Variants in ELP4 observed in about 807,000 individuals in gnomAD.
ELP4 encodes elongator complex protein 4.
ELP4 carries 51 observed loss-of-function variants against 48.9 expected under a neutral mutation model. The observed-to-expected ratio is 1.04, with a 90% confidence interval of 0.83 to 1.32. The LOEUF is 1.32. ELP4 is among the 40% of genes most tolerant of loss of function. ELP4 has a pLI of 0.00. For missense variants in ELP4, 519 were observed against 514.6 expected (o/e 1.01, Z -0.08); for synonymous variants, 210 against 189.2 (o/e 1.11, Z -0.90).
rs758167780 is a variant in ELP4, at chr11:31,545,323, A to C, written c.381+5540A>C. Among the ~76,000 whole-genome samples the C allele has an allele frequency of 1.3e-3, 201 of 152,364 alleles. 12 individuals are homozygous for C. The highest frequency in any genetic ancestry group is 9.1e-4 in the Non-Finnish European group (62 of 68,038). On this transcript the variant is annotated intron_variant, in intron 3 of 9. Coordinates refer to ENST00000640961, the MANE Select transcript of ELP4 (RefSeq NM_019040.5). ...TGGAGCTGAAAGCCAAGGCTCGAGA[A>C]CTATGTGAAGAATGCAGAAGCCTCA...
At chr11:31,735,421 G>A (rs1216282006) in intron 9 of ELP4, among the ~76,000 whole-genome samples, 1 of 152,134 alleles carries the variant, frequency 6.6e-6, no homozygotes, top group Non-Finnish European at 1.5e-5. Flanking sequence ...GCACAAGACA[G>A]GGATGCCCTC....
At chr11:31,763,461 CTTCTCA>C in intron 9 of ELP4, 1 of 1,610,446 alleles carries the variant, frequency 6.2e-7, no homozygotes, top group African/African-American at 1.3e-5. Context: ...ATCCTCCAGG[CTTCTCA>C]TACTTACTCA....
intron 9 of ELP4, among the ~76,000 whole-genome samples, chr11:31,744,598 T>G (rs1450716829): frequency 6.6e-6 from 1 of 152,220 alleles, no homozygotes; most frequent in Non-Finnish European, 1.5e-5. Flanking sequence ...CGCAAATCAA[T>G]AAATGTAATT....
intron 3 of ELP4, among the ~76,000 whole-genome samples, chr11:31,576,633 A>G (rs970791407): frequency 3.9e-5 from 6 of 152,228 alleles, no homozygotes; most frequent in Admixed American, 2.0e-4. Flanking sequence ...CAGGATTAAG[A>G]CACTCACTCA....
At chr11:31,595,810 A>T (rs1489089722) in intron 4 of ELP4, among the ~76,000 whole-genome samples, 3 of 152,194 alleles carry the variant, frequency 2.0e-5, no homozygotes, top group Non-Finnish European at 4.4e-5. Flanking sequence ...AACCTGTTTG[A>T]TATTATAAGC....
chr11:31,589,540 C>G (rs1391601939), intron 3 of ELP4, among the ~76,000 whole-genome samples: 1 of 152,122 alleles, frequency 6.6e-6, no homozygotes, highest in Non-Finnish European at 1.5e-5. Context: ...GATTAAATTA[C>G]AGAACCTTGG....
Position 31,605,997 on chromosome 11 carries a change from T to C in ELP4, c.653+2090T>C, listed in dbSNP as rs183429550. Among the ~76,000 whole-genome samples, 448 of 151,892 alleles carry C rather than the reference T, an allele frequency of 2.9e-3. 2 individuals carry two copies. The highest frequency in any genetic ancestry group is 9.5e-3 in the African/African-American group (394 of 41,460). Reference sequence around the variant, plus strand: ...GGCAGTAAATGTACACCCACCAACGTAGGTGCCAGAAAAATTACTCCTTAA... The same window carrying C: ...GGCAGTAAATGTACACCCACCAACGCAGGTGCCAGAAAAATTACTCCTTAA... On this transcript the variant is annotated intron_variant, in intron 5 of 9. Coordinates refer to ENST00000640961, the MANE Select transcript of ELP4 (RefSeq NM_019040.5).
intron 9 of ELP4, among the ~76,000 whole-genome samples, chr11:31,746,121 A>G (rs925609628): frequency 3.9e-5 from 6 of 152,274 alleles, no homozygotes; most frequent in South Asian, 2.1e-4. Context: ...TATGCAGCCA[A>G]AAAACACATG....
rs1421533774 is a variant in ELP4, at chr11:31,783,936, A to G, written c.*412A>G. 1 of 153,392 alleles carries G rather than the reference A, an allele frequency of 6.5e-6. No homozygotes were observed. Among genetic ancestry groups the G allele is most frequent in the Non-Finnish European group, 1.5e-5 (1 of 68,896 alleles). 9.5% of individuals were successfully genotyped at this position (153,392 alleles called of 1,614,324 possible). ...TTACAGAAACAGTCACTTGCCACCA[A>G]AAATGCTGTTTTTTAAATGAAAATG... On this transcript the variant is annotated 3_prime_UTR_variant, in exon 10 of 10. Transcript: ENST00000640961.
At chr11:31,606,429 A>G (rs1957876838) in intron 5 of ELP4, among the ~76,000 whole-genome samples, 2 of 152,106 alleles carry the variant, frequency 1.3e-5, no homozygotes, top group African/African-American at 2.4e-5. Flanking sequence ...AGGATATAAT[A>G]TATAATTTTA....
chr11:31,709,767 A>G (rs373389345), intron 9 of ELP4, among the ~76,000 whole-genome samples: 50 of 152,314 alleles, frequency 3.3e-4, no homozygotes, highest in African/African-American at 1.2e-3. Context: ...TAAATACTCA[A>G]TGTATGTTAG....
chr11:31,683,521 G>A (rs1393671402), intron 9 of ELP4, among the ~76,000 whole-genome samples: 2 of 152,090 alleles, frequency 1.3e-5, no homozygotes, highest in African/African-American at 4.8e-5. Context: ...TCTAAATTTT[G>A]TGAAACACCA....
chr11:31,746,967 A>G (rs1226361985), intron 9 of ELP4, among the ~76,000 whole-genome samples: 13 of 152,142 alleles, frequency 8.5e-5, no homozygotes, highest in Non-Finnish European at 1.5e-4. Flanking sequence ...GGGGAAGCAT[A>G]TGATAGATTT....
rs1948717820 is a variant in ELP4, at chr11:31,787,261, C to G, written c.*3737C>G. On this transcript the variant is annotated 3_prime_UTR_variant, in exon 10 of 10. Coordinates refer to ENST00000640961, the MANE Select transcript of ELP4 (RefSeq NM_019040.5). ...GACTATACCAGACTGTGCTACTTTGCCCTGGCAATCCTGACCTTCAGAGCA... is the reference window on the plus strand; with the variant it reads ...GACTATACCAGACTGTGCTACTTTGGCCTGGCAATCCTGACCTTCAGAGCA... The G allele has an allele frequency of 8.6e-6, 2 of 232,762 alleles. No homozygotes were observed. The highest frequency in any genetic ancestry group is 4.4e-5 in the African/African-American group (2 of 45,302). The allele number at this position is 232,762 out of a possible 1,614,324, so 14.4% of individuals were successfully genotyped here. A position where few individuals can be genotyped will look rare whatever the true frequency, so the allele number is the denominator to read the frequency against.
intron 3 of ELP4, among the ~76,000 whole-genome samples, chr11:31,554,762 A>G (rs1202723051): frequency 6.6e-6 from 1 of 151,636 alleles, no homozygotes; most frequent in Non-Finnish European, 1.5e-5. Flanking sequence ...ACAACTACCC[A>G]CTCTGCTGTC....
At chr11:31,780,589 C>G (rs921990656) in intron 9 of ELP4, 1 of 152,168 alleles carries the variant, frequency 6.6e-6, no homozygotes, top group Non-Finnish European at 1.5e-5. Flanking sequence ...AAGTCTCACA[C>G]GAATGATATT....
At chr11:31,674,683 T>C (rs1945880705) in intron 9 of ELP4, among the ~76,000 whole-genome samples, 1 of 152,228 alleles carries the variant, frequency 6.6e-6, no homozygotes, top group Non-Finnish European at 1.5e-5. Context: ...TGGAAGTAAA[T>C]GGAGATAAAA....
intron 9 of ELP4, among the ~76,000 whole-genome samples, chr11:31,758,277 AT>A (rs1344649786): frequency 6.6e-6 from 1 of 152,114 alleles, no homozygotes; most frequent in Non-Finnish European, 1.5e-5. Flanking sequence ...TTCCTCGAGG[AT>A]TTTTTATATT....
intron 3 of ELP4, among the ~76,000 whole-genome samples, chr11:31,564,451 A>G (rs1352265315): frequency 6.6e-6 from 1 of 151,542 alleles, no homozygotes; most frequent in Non-Finnish European, 1.5e-5. Context: ...ACATACATAT[A>G]CATGTGCCAT....
Sources: gnomAD v4.1 joint callset for allele counts (sites outside exome capture counted in the v4.1 genomes callset) on GRCh38, gnomAD v4.1.1 for gene constraint, MANE v1.5 for transcripts, NCBI Gene and HGNC (gene_info 2026-07-23, HGNC 2026-07-21) for gene names.